Variants in MYO6 observed in about 807,000 individuals in gnomAD.
MYO6 encodes myosin VI.
In MYO6, 74 loss-of-function variants were observed where a neutral mutation model predicts 178.7. That is an observed-to-expected ratio of 0.41 (90% confidence interval 0.34 to 0.50). MYO6 has a LOEUF of 0.50. Among genes scored for constraint, MYO6 ranks in the 20% least tolerant of loss-of-function variants. MYO6 has a pLI of 0.09. For synonymous variants in MYO6, 477 were observed against 504.6 expected, an observed-to-expected ratio of 0.95 and a Z score of 0.73; for missense variants, 1,330 against 1,547.4, an observed-to-expected ratio of 0.86 and a Z score of 2.36.
intron 30 of MYO6, among the ~76,000 whole-genome samples, chr6:75,905,715 G>C (rs897030702): frequency 6.6e-6 from 1 of 152,240 alleles, no homozygotes; most frequent in Non-Finnish European, 1.5e-5. Context: ...CATCAGAGCT[G>C]TTCCTATTCG....
chr6:75,875,234 G>GAATGA (rs1777482650), intron 20 of MYO6, among the ~76,000 whole-genome samples: 1 of 152,184 alleles, frequency 6.6e-6, no homozygotes, highest in Admixed American at 6.5e-5. Flanking sequence ...ATGTGGCTAA[G>GAATGA]AATGAGTGAG....
chr6:75,766,151 C>T (rs1778400537), intron 1 of MYO6, among the ~76,000 whole-genome samples: 2 of 152,102 alleles, frequency 1.3e-5, no homozygotes, highest in Admixed American at 1.3e-4. Context: ...GGCGAAACCC[C>T]GTCTCTACTA....
At chr6:75,824,498 G>A (rs1345629900) in intron 3 of MYO6, among the ~76,000 whole-genome samples, 1 of 152,094 alleles carries the variant, frequency 6.6e-6, no homozygotes, top group African/African-American at 2.4e-5. Context: ...GTCCTCTGCT[G>A]AATGACACAC....
rs981115834 is a variant in MYO6, at chr6:75,903,949, C to T, written c.3177-3656C>T. On this transcript the variant is annotated intron_variant, in intron 30 of 34. Transcript: ENST00000369977. ...TGGTGACAAAATCTCTCAGCATTTG[C>T]TTGTCTGTGAAGTATTTTATTTCTC... Among the ~76,000 whole-genome samples, 21 of 151,566 alleles carry T rather than the reference C, an allele frequency of 1.4e-4. 1 individual carries two copies. The highest frequency in any genetic ancestry group is 5.1e-4 in the African/African-American group (21 of 41,346).
chr6:75,899,150 A>G (rs773096045), intron 30 of MYO6, among the ~76,000 whole-genome samples: 2 of 152,136 alleles, frequency 1.3e-5, no homozygotes, highest in African/African-American at 4.8e-5. Context: ...TTTGGATGCT[A>G]TGTTTTTTAG....
intron 9 of MYO6, among the ~76,000 whole-genome samples, chr6:75,844,191 C>T (rs1774512092): frequency 6.6e-6 from 1 of 152,118 alleles, no homozygotes; most frequent in Admixed American, 6.5e-5. Flanking sequence ...AATTGTGAGA[C>T]TAATAAATGG....
intron 28 of MYO6, among the ~76,000 whole-genome samples, chr6:75,893,820 C>A (rs1415106648): frequency 6.6e-6 from 1 of 152,086 alleles, no homozygotes; most frequent in Non-Finnish European, 1.5e-5. Flanking sequence ...GGTTTGAGTC[C>A]AATATTTGGG....
At chr6:75,865,198 C>T (rs1026552738) in intron 16 of MYO6, 2 of 151,580 alleles carry the variant, frequency 1.3e-5, no homozygotes, top group African/African-American at 2.4e-5. Context: ...CTCAAGCAAC[C>T]CACCCGCTTC....
Position 75,873,392 on chromosome 6 carries a change from T to G in MYO6, c.2077+92T>G, listed in dbSNP as rs1562271775. On this transcript the variant is annotated intron_variant, in intron 20 of 34. Transcript: ENST00000369977. The stretch of plus-strand genomic sequence containing the variant: ...TATTTTCAAATAATTCACCATTATC[T>G]TGATTATTTTACAGTGCAATAAAAT... 22 of 1,031,338 alleles carry G rather than the reference T, an allele frequency of 2.1e-5. No individual in the cohort carries two copies. In the South Asian group the frequency reaches 2.5e-4, roughly 12 times the overall value. 63.9% of individuals were successfully genotyped at this position (1,031,338 alleles called of 1,614,324 possible).
rs1396774256 is a variant in MYO6 at position 75,832,875 on chromosome 6, A to G, written c.425A>G (p.Lys142Arg). Residue 142 changes from lysine (K) to arginine (R), a missense_variant, in exon 6 of 35, where the codon AAG (lysine) becomes AGG (arginine). Lys to Arg is a conservative substitution (Grantham distance 26). Coordinates refer to ENST00000369977, the MANE Select transcript of MYO6 (RefSeq NM_004999.4). ...GCTTTTCGAGACATGAAGGTGCTCA[A>G]GATGAGTCAGTCTATCATTGTATCT... ...DKAFRDMKVL[K>R]MSQSIIVSGE... is the part of the protein sequence containing the mutation. The G allele has an allele frequency of 6.2e-7, 1 of 1,614,026 alleles. No individual in the cohort carries two copies. Among genetic ancestry groups the G allele is most frequent in the East Asian group, 2.2e-5 (1 of 44,898 alleles).
At position 75,892,582 on chromosome 6, in the gene MYO6, A is replaced by C. The variant is rs1368569984; in HGVS notation, c.2999A>C (p.Gln1000Pro). Residue 1000 changes from glutamine (Q) to proline (P), a missense_variant, in exon 28 of 35, where the codon CAA becomes CCA. By Grantham distance (76) the Gln-to-Pro change is moderately conservative. Transcript: ENST00000369977. ...ARQKEEESQQ[Q>P]AVLEQERRDR... ...CAGAAGGAGGAGGAATCCCAACAGC[A>C]AGCAGTTCTGGAGCAGGAGCGCAGG... 6.2e-7 allele frequency: 1 copy of C among 1,613,884 alleles called. No homozygotes were observed. Among genetic ancestry groups the C allele is most frequent in the Non-Finnish European group, 8.5e-7 (1 of 1,180,008 alleles).
At chr6:75,778,067 C>T (rs1432600901) in intron 1 of MYO6, among the ~76,000 whole-genome samples, 2 of 151,594 alleles carry the variant, frequency 1.3e-5, no homozygotes, top group Non-Finnish European at 2.9e-5. Context: ...GCTGTATTGC[C>T]CAAGCTGATC....
chr6:75,800,912 G>T (rs1769386197), intron 1 of MYO6, among the ~76,000 whole-genome samples: 1 of 152,112 alleles, frequency 6.6e-6, no homozygotes, highest in Admixed American at 6.6e-5. Context: ...GTAGAGATGG[G>T]ATTTCCCCAT....
intron 1 of MYO6, among the ~76,000 whole-genome samples, chr6:75,786,959 C>T (rs1767628419): frequency 6.6e-6 from 1 of 152,226 alleles, no homozygotes; most frequent in African/African-American, 2.4e-5. Context: ...TGAAGCATGT[C>T]ATTCATAGCA....
At chr6:75,885,549 C>T (rs113547942) in intron 23 of MYO6, among the ~76,000 whole-genome samples, 10 of 152,102 alleles carry the variant, frequency 6.6e-5, no homozygotes, top group African/African-American at 1.7e-4. Context: ...CCCGGGTTCA[C>T]GCCATTCTCC....
At chr6:75,831,336 A>G (rs1773057264) in intron 5 of MYO6, among the ~76,000 whole-genome samples, 1 of 152,028 alleles carries the variant, frequency 6.6e-6, no homozygotes, top group Non-Finnish European at 1.5e-5. Flanking sequence ...TCACTTCCAG[A>G]TTTGGTTGAC....
Position 75,915,407 on chromosome 6 carries a change from G to A in MYO6, c.*395G>A, listed in dbSNP as rs1259039286. ...ATATAACTGGAGTAATAAAACATGAGCTTACATTCTTACAATAACTAAACC... is the reference window on the plus strand; with the variant it reads ...ATATAACTGGAGTAATAAAACATGAACTTACATTCTTACAATAACTAAACC... On this transcript the variant is annotated 3_prime_UTR_variant, in exon 35 of 35. Coordinates refer to ENST00000369977, the MANE Select transcript of MYO6 (RefSeq NM_004999.4). 1.4e-5 allele frequency: 3 copies of A among 207,298 alleles called. No individual in the cohort carries two copies. Among genetic ancestry groups the A allele is most frequent in the African/African-American group, 7.0e-5 (3 of 43,114 alleles). The allele number at this position is 207,298 out of a possible 1,614,324, so 12.8% of individuals were successfully genotyped here. A position where few individuals can be genotyped will look rare whatever the true frequency, so the allele number is the denominator to read the frequency against.
intron 16 of MYO6, among the ~76,000 whole-genome samples, chr6:75,862,950 A>G (rs1198716822): frequency 2.0e-5 from 3 of 152,118 alleles, no homozygotes; most frequent in Non-Finnish European, 4.4e-5. Context: ...TCACCTGTCT[A>G]ATACGTACAA....
chr6:75,869,381 G>A (rs553574754), intron 18 of MYO6, among the ~76,000 whole-genome samples: 2 of 152,184 alleles, frequency 1.3e-5, no homozygotes, highest in Admixed American at 6.5e-5. Flanking sequence ...TTGGAATCAT[G>A]ACTTTGCCAT....
Sources: gnomAD v4.1 joint callset for allele counts (sites outside exome capture counted in the v4.1 genomes callset) on GRCh38, gnomAD v4.1.1 for gene constraint, MANE v1.5 for transcripts, NCBI Gene and HGNC (gene_info 2026-07-23, HGNC 2026-07-21) for gene names.